The following PARP8 variants were observed in gnomAD, a reference collection of about 807,000 sequenced individuals.
PARP8 encodes protein mono-ADP-ribosyltransferase PARP8.
Under a neutral mutation model 124.1 loss-of-function variants are expected in PARP8, and 51 were observed. That is an observed-to-expected ratio of 0.41 (90% CI 0.33 to 0.52). The LOEUF is 0.52. Ranked by LOEUF, PARP8 falls within the 20% of genes least tolerant of loss-of-function variation. PARP8 has a pLI of 0.21. For missense variants in PARP8, 860 were observed against 1,018.9 expected, an observed-to-expected ratio of 0.84 and a Z score of 2.12; for synonymous variants, 391 against 361.5, an observed-to-expected ratio of 1.08 and a Z score of -0.93.
chr5:50,791,802 G>T (rs1409605033), intron 10 of PARP8, among the ~76,000 whole-genome samples: 1 of 152,118 alleles, frequency 6.6e-6, no homozygotes, highest in Admixed American at 6.6e-5. Context: ...ATAAAATTAG[G>T]TATAAATTTT....
chr5:50,708,166 CTAAA>C (rs770754868), intron 2 of PARP8, among the ~76,000 whole-genome samples: 7 of 151,902 alleles, frequency 4.6e-5, no homozygotes, highest in African/African-American at 1.2e-4. Context: ...AATAATTTTC[CTAAA>C]TAGTCTAACA....
intron 7 of PARP8, among the ~76,000 whole-genome samples, chr5:50,771,142 T>C (rs1761589071): frequency 6.7e-6 from 1 of 150,306 alleles, no homozygotes; most frequent in African/African-American, 2.4e-5. Flanking sequence ...TATACACATA[T>C]ATATAATATA....
chr5:50,785,733 C>T (rs1351226705), intron 9 of PARP8, among the ~76,000 whole-genome samples: 1 of 152,090 alleles, frequency 6.6e-6, no homozygotes, highest in East Asian at 1.9e-4. Context: ...ACCCAATTTC[C>T]TTGATTGATG....
chr5:50,827,037 A>T (rs904802410), intron 19 of PARP8, among the ~76,000 whole-genome samples: 1 of 152,166 alleles, frequency 6.6e-6, no homozygotes, highest in African/African-American at 2.4e-5. Flanking sequence ...AAAAACATCA[A>T]TATGAAATCA....
At chr5:50,726,446 C>T (rs560522312) in intron 2 of PARP8, among the ~76,000 whole-genome samples, 1 of 152,226 alleles carries the variant, frequency 6.6e-6, no homozygotes, top group South Asian at 2.1e-4. Context: ...GATCTGATCA[C>T]GAACTCTAAG....
intron 14 of PARP8, among the ~76,000 whole-genome samples, chr5:50,798,374 T>C (rs913864204): frequency 1.3e-5 from 2 of 151,810 alleles, no homozygotes; most frequent in African/African-American, 4.8e-5. Flanking sequence ...ATTATTATTT[T>C]TAATAATTAT....
At chr5:50,749,941 C>T (rs1446615285) in intron 2 of PARP8, among the ~76,000 whole-genome samples, 1 of 152,080 alleles carries the variant, frequency 6.6e-6, no homozygotes, top group African/African-American at 2.4e-5. Flanking sequence ...TAGACTAAGA[C>T]CCATTTAGAC....
At chr5:50,747,163 G>GTTTTGTT (rs1758658189) in intron 2 of PARP8, among the ~76,000 whole-genome samples, 3 of 95,494 alleles carry the variant, frequency 3.1e-5, no homozygotes, top group African/African-American at 1.2e-4. Flanking sequence ...TGTTTGTTTT[G>GTTTTGTT]TTTTTTTTTT....
intron 3 of PARP8, among the ~76,000 whole-genome samples, chr5:50,756,805 T>C (rs1489480531): frequency 1.3e-5 from 2 of 152,190 alleles, no homozygotes; most frequent in African/African-American, 4.8e-5. Flanking sequence ...TGAAAGTTTG[T>C]ACCCTTTAGC....
At chr5:50,738,715 TAAAA>T (rs71612375) in intron 2 of PARP8, among the ~76,000 whole-genome samples, 2 of 135,524 alleles carry the variant, frequency 1.5e-5, no homozygotes, top group Admixed American at 7.3e-5. Flanking sequence ...GCTGATAAGT[TAAAA>T]AAAAAAAAAA....
intron 1 of PARP8, chr5:50,667,752 T>G (rs1207016224): frequency 1.5e-5 from 11 of 717,770 alleles, no homozygotes; most frequent in Non-Finnish European, 2.7e-5. Flanking sequence ...GGGTCGCCTT[T>G]CGTCCATTTT....
chr5:50,805,789 A>AT (rs1270434614), intron 14 of PARP8, among the ~76,000 whole-genome samples: 2 of 152,010 alleles, frequency 1.3e-5, no homozygotes, highest in Non-Finnish European at 2.9e-5. Flanking sequence ...TCCGTGTACT[A>AT]TTTTTTTGCC....
chr5:50,836,627 G>A (rs1209162164), intron 25 of PARP8, among the ~76,000 whole-genome samples: 9 of 152,156 alleles, frequency 5.9e-5, no homozygotes, highest in African/African-American at 1.9e-4. Context: ...AACGAAGGCA[G>A]AGAAAGACTC....
chr5:50,701,795 TTTG>T (rs1005624870), intron 2 of PARP8, among the ~76,000 whole-genome samples: 35 of 152,258 alleles, frequency 2.3e-4, no homozygotes, highest in Non-Finnish European at 4.3e-4. Context: ...TGCTGAGTTT[TTTG>T]TTGTTGTTGG....
At chr5:50,814,778 A>G (rs1010824364) in intron 14 of PARP8, among the ~76,000 whole-genome samples, 7 of 152,166 alleles carry the variant, frequency 4.6e-5, no homozygotes, top group East Asian at 1.9e-4. Flanking sequence ...ACCTAATGCA[A>G]TGTAACTTGG....
chr5:50,737,756 A>AATTGG (rs1317203334), intron 2 of PARP8, among the ~76,000 whole-genome samples: 1 of 152,126 alleles, frequency 6.6e-6, no homozygotes, highest in East Asian at 1.9e-4. Context: ...TGTAATCATA[A>AATTGG]CTGTCTTGTT....
intron 2 of PARP8, chr5:50,744,750 C>T: frequency 1.4e-6 from 1 of 701,640 alleles, no homozygotes. Flanking sequence ...TCAGAGCTTG[C>T]TCCAGGGATG....
At chr5:50,679,792 G>A (rs1751072108) in intron 2 of PARP8, among the ~76,000 whole-genome samples, 1 of 152,138 alleles carries the variant, frequency 6.6e-6, no homozygotes, top group South Asian at 2.1e-4. Context: ...ATAGTGCTTA[G>A]GAAGTTTCTT....
intron 2 of PARP8, among the ~76,000 whole-genome samples, chr5:50,690,465 T>G (rs775996654): frequency 6.6e-6 from 1 of 152,188 alleles, no homozygotes; most frequent in Non-Finnish European, 1.5e-5. Context: ...CTCTTGCTGG[T>G]CTTTACCAAA....
Sources: gnomAD v4.1 joint callset for allele counts (sites outside exome capture counted in the v4.1 genomes callset) on GRCh38, gnomAD v4.1.1 for gene constraint, MANE v1.5 for transcripts, NCBI Gene and HGNC (gene_info 2026-07-23, HGNC 2026-07-21) for gene names.